Variants in KIF24 observed in about 807,000 individuals in gnomAD.
KIF24 encodes kinesin-like protein KIF24.
A neutral mutation model predicts 118.9 loss-of-function variants in KIF24; 81 were observed. The ratio of observed to expected loss-of-function variants is 0.68; its 90% confidence interval spans 0.57 to 0.82. The LOEUF (loss-of-function observed/expected upper bound fraction) is 0.82, where lower values mean the gene tolerates loss of function less well. Ranked by LOEUF, KIF24 falls within the 40% of genes least tolerant of loss-of-function variation. The pLI is 0.00. For synonymous variants in KIF24, 599 were observed against 610.0 expected (o/e 0.98, Z 0.27); for missense variants, 1,560 against 1,661.6 (o/e 0.94, Z 1.06).
At chr9:34,295,218 C>CAGACAGACAGAT (rs1836421959) in intron 4 of KIF24, among the ~76,000 whole-genome samples, 4 of 151,742 alleles carry the variant, frequency 2.6e-5, no homozygotes, top group Non-Finnish European at 5.9e-5. Flanking sequence ...GACAGACAGA[C>CAGACAGACAGAT]AGACAGACAG....
In KIF24 at chr9:34,318,641, C is replaced by T; in HGVS notation, c.-25-7270G>A. 1 of 1,537,098 alleles carries T rather than the reference C, an allele frequency of 6.5e-7. No homozygotes were observed. The highest frequency in any genetic ancestry group is 1.1e-5 in the South Asian group (1 of 87,180). On this transcript the variant is annotated intron_variant, in intron 1 of 12. Transcript: ENST00000402558. The surrounding 1 kb of genome is among the most constrained non-coding windows in gnomAD (Gnocchi z 4.9). ...CGTGGTGGTGGCCTCGTCGTTGGGG[C>T]TCGTGTCGCTGGGCGGCAAGGCGAC...
intron 8 of KIF24, among the ~76,000 whole-genome samples, chr9:34,268,005 A>G (rs757903780): frequency 2.0e-5 from 3 of 152,196 alleles, no homozygotes; most frequent in Non-Finnish European, 4.4e-5. Flanking sequence ...CTCACATAGG[A>G]TTTTATTGGC....
rs1373048879 is a variant in KIF24 at position 34,311,040 on chromosome 9, G to A, written c.307C>T (p.Pro103Ser). ...GCATTTCTGTCTTTATTGTCAGCAG[G>A]AGAATCAAAATTCAGCTGTCTGCGA... ...GPRRQLNFDSPADNKDRNASN... is the reference protein window; with the variant it reads ...GPRRQLNFDSSADNKDRNASN... Residue 103 changes from proline to serine, a missense_variant, in exon 2 of 13, where the codon CCT (proline) becomes TCT (serine). Physicochemically the swap from Pro to Ser is moderately conservative, Grantham distance 74. Transcript: ENST00000402558. 6.2e-7 allele frequency: 1 copy of A among 1,613,856 alleles called. No individual in the cohort carries two copies. The highest frequency in any genetic ancestry group is 2.2e-5 in the East Asian group (1 of 44,886).
Position 34,295,372 on chromosome 9 carries a change from T to C in KIF24, c.911+1645A>G, listed in dbSNP as rs187237956. On this transcript the variant is annotated intron_variant, in intron 4 of 12. Coordinates refer to ENST00000402558, the MANE Select transcript of KIF24 (RefSeq NM_194313.4). ...ACAGGTGCACATCACCATGCCTGGC[T>C]AATTAAAAAAAAAAATTTTATAGAC... is the stretch of plus-strand genomic sequence containing the variant. Among the ~76,000 whole-genome samples, 1,173 of 151,238 alleles carry C rather than the reference T, an allele frequency of 7.8e-3. 12 individuals are homozygous for C. The highest frequency in any genetic ancestry group is 0.011 in the Non-Finnish European group (779 of 67,764).
intron 6 of KIF24, among the ~76,000 whole-genome samples, chr9:34,272,490 G>A (rs898035747): frequency 6.6e-6 from 1 of 152,162 alleles, no homozygotes; most frequent in African/African-American, 2.4e-5. Context: ...GAGTCCTTCC[G>A]GCCATCATGG....
chr9:34,306,472 T>C, intron 2 of KIF24, 31 bp from the exon 3 acceptor site: 2 of 1,415,338 alleles, frequency 1.4e-6, no homozygotes, highest in Non-Finnish European at 1.9e-6. Context: ...CTTTTAATTT[T>C]TAATAATAGG....
At chr9:34,269,648 T>A (rs1325966950) in intron 7 of KIF24, among the ~76,000 whole-genome samples, 1 of 152,002 alleles carries the variant, frequency 6.6e-6, no homozygotes, top group Admixed American at 6.5e-5. Context: ...CTCCATCTCC[T>A]GACCTCGTGA....
chr9:34,304,903 T>A (rs1836854673), intron 3 of KIF24, among the ~76,000 whole-genome samples: 1 of 152,202 alleles, frequency 6.6e-6, no homozygotes, highest in East Asian at 1.9e-4. Flanking sequence ...GATTTTTTTT[T>A]CTTCCTACCA....
chr9:34,333,149 A>AGGC (rs1563972124), upstream of KIF24, among the ~76,000 whole-genome samples: 1 of 152,124 alleles, frequency 6.6e-6, no homozygotes, highest in Non-Finnish European at 1.5e-5. Flanking sequence ...AGAGCAGAGG[A>AGGC]GGCATAGAAA....
chr9:34,323,304 C>G (rs983791228), intron 1 of KIF24, among the ~76,000 whole-genome samples: 2 of 152,180 alleles, frequency 1.3e-5, no homozygotes, highest in African/African-American at 4.8e-5. Context: ...AGCTAATGCT[C>G]TACAATTACT....
chr9:34,265,358 A>G (rs1465501133), intron 8 of KIF24, among the ~76,000 whole-genome samples: 1 of 152,138 alleles, frequency 6.6e-6, no homozygotes, highest in Non-Finnish European at 1.5e-5. Context: ...TTGTAAAGAC[A>G]GGGGTCTCCC....
At chr9:34,268,541 T>C (rs1587921726) in intron 8 of KIF24, among the ~76,000 whole-genome samples, 2 of 133,754 alleles carry the variant, frequency 1.5e-5, no homozygotes, top group African/African-American at 5.9e-5. Context: ...TGAGTCTCAC[T>C]CTGTCACCCA....
At chr9:34,289,668 A>G (rs1836178785) in intron 5 of KIF24, among the ~76,000 whole-genome samples, 2 of 152,220 alleles carry the variant, frequency 1.3e-5, no homozygotes, top group African/African-American at 4.8e-5. Flanking sequence ...AAATTACTAT[A>G]TTATGTTGCA....
At chr9:34,305,285 G>C (rs1291804578) in intron 3 of KIF24, among the ~76,000 whole-genome samples, 1 of 152,122 alleles carries the variant, frequency 6.6e-6, no homozygotes, top group African/African-American at 2.4e-5. Flanking sequence ...TTATATGTTA[G>C]ATGTGAAATC....
At chr9:34,262,644 CAAAAAAAAAAAAAAAAA>C (rs1172989308) in intron 9 of KIF24, among the ~76,000 whole-genome samples, 20 of 19,606 alleles carry the variant, frequency 1.0e-3, no homozygotes, top group Admixed American at 3.5e-3. Context: ...CTGTCTCTAC[CAAAAAAAAAAAAAAAAA>C]AAAAAAAAAA....
chr9:34,295,622 G>A (rs1836439073), intron 4 of KIF24, among the ~76,000 whole-genome samples: 1 of 152,138 alleles, frequency 6.6e-6, no homozygotes, highest in South Asian at 2.1e-4. Flanking sequence ...AAGTTGCAGT[G>A]AGCCAAGATT....
At chr9:34,294,465 T>C (rs181055535) in intron 4 of KIF24, among the ~76,000 whole-genome samples, 171 of 152,186 alleles carry the variant, frequency 1.1e-3, no homozygotes, top group Admixed American at 2.4e-3. Flanking sequence ...GGAGAATCAC[T>C]TGAACCCGGG....
rs1235702688 is a variant in KIF24, at chr9:34,255,098, TCTC to T, written c.3937_3939del (p.Glu1313del). The T allele has an allele frequency of 3.1e-6, 5 of 1,594,932 alleles. No individual in the cohort carries two copies. Among genetic ancestry groups the T allele is most frequent in the Non-Finnish European group, 4.3e-6 (5 of 1,170,542 alleles). On this transcript the variant is annotated inframe_deletion, in exon 12 of 13. Coordinates refer to ENST00000402558, the MANE Select transcript of KIF24 (RefSeq NM_194313.4). ...TTAGAAGCCAGCTGGCTCATCAGCGTCTCCTCCTTGAAGCCGAGCTCAGCCATT... is the reference window on the plus strand; with the variant it reads ...TTAGAAGCCAGCTGGCTCATCAGCGTCTCCTTGAAGCCGAGCTCAGCCATT...
rs527637214 is a variant in KIF24, at chr9:34,317,994, T to A, written c.-25-6623A>T. The stretch of plus-strand genomic sequence containing the variant: ...ATACCCTTAAAATCTTAATTTTTTT[T>A]AATTCAAATTGTATTATTGGATTTA... On this transcript the variant is annotated intron_variant, in intron 1 of 12. Transcript: ENST00000402558. 1.8e-4 allele frequency among the ~76,000 whole-genome samples: 27 copies of A among 152,334 alleles called. No homozygotes were observed. The Middle Eastern group carries it at 0.01, about 58-fold the overall frequency.
Sources: gnomAD v4.1 joint callset for allele counts (sites outside exome capture counted in the v4.1 genomes callset) on GRCh38, gnomAD v4.1.1 for gene constraint, Gnocchi (gnomAD v3.1) non-coding constraint, MANE v1.5 for transcripts, NCBI Gene and HGNC (gene_info 2026-07-23, HGNC 2026-07-21) for gene names.